The following ANKS1B variants were observed in gnomAD, a reference collection of about 807,000 sequenced individuals.
The protein encoded by ANKS1B is ankyrin repeat and sterile alpha motif domain containing 1B, also known as ankyrin repeat and sterile alpha motif domain-containing protein 1B.
Under a neutral mutation model 148.3 loss-of-function variants are expected in ANKS1B, and 36 were observed. The ratio of observed to expected loss-of-function variants is 0.24; its 90% confidence interval spans 0.19 to 0.32. ANKS1B has a LOEUF of 0.32. Among genes scored for constraint, ANKS1B ranks in the 10% least tolerant of loss-of-function variants. The pLI, the probability that ANKS1B is intolerant of heterozygous loss-of-function variation, is 1.00. For synonymous variants in ANKS1B, 542 were observed against 560.8 expected (o/e 0.97, Z 0.47); for missense variants, 1,157 against 1,542.6 (o/e 0.75, Z 4.19).
At chr12:99,957,682 C>T (rs1358692903) in intron 1 of ANKS1B, among the ~76,000 whole-genome samples, 4 of 152,190 alleles carry the variant, frequency 2.6e-5, no homozygotes, top group African/African-American at 9.7e-5. Context: ...AAAACTAGAA[C>T]ATGTATGGCA....
intron 1 of ANKS1B, among the ~76,000 whole-genome samples, chr12:99,847,334 TA>T (rs1324476084): frequency 1.3e-5 from 2 of 152,076 alleles, no homozygotes; most frequent in Non-Finnish European, 2.9e-5. Flanking sequence ...AGGCAGGCCA[TA>T]AAAAATAGAA....
intron 17 of ANKS1B, among the ~76,000 whole-genome samples, chr12:99,023,784 C>T (rs2099947188): frequency 6.7e-6 from 1 of 150,236 alleles, no homozygotes; most frequent in Non-Finnish European, 1.5e-5. Flanking sequence ...TGTGAATATG[C>T]ACACACATAC....
At chr12:99,141,691 G>C in intron 15 of ANKS1B, among the ~76,000 whole-genome samples, 1 of 151,498 alleles carries the variant, frequency 6.6e-6, no homozygotes, top group East Asian at 1.9e-4. Flanking sequence ...TTGGTTTTCT[G>C]TTCCTGTGTT....
intron 14 of ANKS1B, among the ~76,000 whole-genome samples, chr12:99,203,616 A>C (rs557215706): frequency 3.1e-4 from 47 of 151,786 alleles, no homozygotes; most frequent in Middle Eastern, 3.4e-3. Flanking sequence ...AAGCCCGACA[A>C]ATTTTTTTGT....
intron 8 of ANKS1B, among the ~76,000 whole-genome samples, chr12:99,700,063 T>C (rs1333088041): frequency 6.6e-6 from 1 of 152,228 alleles, no homozygotes; most frequent in African/African-American, 2.4e-5. Context: ...AATTTTTTAA[T>C]GTATTTGTGA....
chr12:98,940,610 T>C (rs568857378), intron 17 of ANKS1B, among the ~76,000 whole-genome samples: 1 of 152,296 alleles, frequency 6.6e-6, no homozygotes, highest in South Asian at 2.1e-4. Context: ...TCTGTGTCAG[T>C]GGATGATAAG....
At position 98,881,015 on chromosome 12, in the gene ANKS1B, T is replaced by G. The variant is rs892394696; in HGVS notation, c.2779-48879A>C. Among the ~76,000 whole-genome samples the G allele has an allele frequency of 7.9e-5, 12 of 152,256 alleles. 1 individual carries two copies. The East Asian group carries it at 2.1e-3, about 27-fold the overall frequency. ...TTGGAAAGTTTTTTTTAAAAAAAAT[T>G]TTTTAATGAATGATGATTTGAATAG... On this transcript the variant is annotated intron_variant, in intron 17 of 26. Transcript: ENST00000683438.
At chr12:99,238,500 C>G (rs1293202744) in intron 14 of ANKS1B, among the ~76,000 whole-genome samples, 1 of 152,216 alleles carries the variant, frequency 6.6e-6, no homozygotes, top group Non-Finnish European at 1.5e-5. Context: ...CAAAAGGCAG[C>G]AGACAGTTTC....
rs1268848322 is a variant in ANKS1B at position 99,246,267 on chromosome 12, A to G, written c.2346+8T>C. On this transcript the variant is annotated splice_region_variant and intron_variant, in intron 13 of 26. Transcript: ENST00000683438. The stretch of plus-strand genomic sequence containing the variant: ...TATAGGATGAACAGCAAGAAGAACA[A>G]AGCTTACTTCTTCCCATTCCGATGT... 1.3e-6 allele frequency: 2 copies of G among 1,546,440 alleles called. No individual in the cohort carries two copies. The highest frequency in any genetic ancestry group is 2.7e-5 in the African/African-American group (2 of 73,048).
chr12:99,454,634 T>C (rs1408250161), intron 10 of ANKS1B, among the ~76,000 whole-genome samples: 1 of 152,234 alleles, frequency 6.6e-6, no homozygotes, highest in Non-Finnish European at 1.5e-5. Flanking sequence ...GATGGTCTTT[T>C]AGCATAATAA....
At chr12:98,975,743 G>T (rs527429938) in intron 17 of ANKS1B, among the ~76,000 whole-genome samples, 2 of 152,276 alleles carry the variant, frequency 1.3e-5, no homozygotes, top group South Asian at 4.2e-4. Flanking sequence ...CATGCCTGGA[G>T]AACAAATATT....
intron 14 of ANKS1B, among the ~76,000 whole-genome samples, chr12:99,176,749 A>C (rs886604309): frequency 5.3e-5 from 8 of 151,988 alleles, no homozygotes; most frequent in African/African-American, 1.9e-4. Flanking sequence ...CCTCCTCCTA[A>C]TTATCTCTCT....
intron 1 of ANKS1B, among the ~76,000 whole-genome samples, chr12:99,936,665 G>A (rs1380041913): frequency 6.6e-6 from 1 of 151,994 alleles, no homozygotes; most frequent in East Asian, 1.9e-4. Flanking sequence ...CTGTACTCTT[G>A]GCTGCCTTGT....
intron 1 of ANKS1B, among the ~76,000 whole-genome samples, chr12:99,905,873 G>A (rs1301384069): frequency 6.6e-6 from 1 of 152,124 alleles, no homozygotes; most frequent in Non-Finnish European, 1.5e-5. Context: ...CACATTATAA[G>A]GTAGATGGGG....
chr12:99,144,878 C>A (rs2072434521), intron 15 of ANKS1B, among the ~76,000 whole-genome samples: 1 of 151,972 alleles, frequency 6.6e-6, no homozygotes, highest in Admixed American at 6.6e-5. Context: ...CTCAGAGGAA[C>A]CAACCCTGCT....
intron 12 of ANKS1B, among the ~76,000 whole-genome samples, chr12:99,272,203 C>T (rs1214792079): frequency 6.6e-6 from 1 of 151,994 alleles, no homozygotes; most frequent in Non-Finnish European, 1.5e-5. Context: ...TTTATAATGA[C>T]CATAAGTGAT....
chr12:99,074,688 T>C (rs1163943751), intron 16 of ANKS1B, among the ~76,000 whole-genome samples: 1 of 152,192 alleles, frequency 6.6e-6, no homozygotes, highest in Non-Finnish European at 1.5e-5. Context: ...CTGTCATGCT[T>C]ACATGAAGGA....
At chr12:99,074,600 G>A (rs1373314679) in intron 16 of ANKS1B, among the ~76,000 whole-genome samples, 3 of 152,148 alleles carry the variant, frequency 2.0e-5, no homozygotes, top group Admixed American at 6.5e-5. Context: ...ATGTGACCCC[G>A]TAGAACAGAC....
rs566880399 is a variant in ANKS1B at position 99,204,301 on chromosome 12, A to T, written c.2419+40041T>A. ...GCTGGCTAAATTTCTGAAGGAATGT[A>T]TTCATGCTCTGAAACACAAAACCGT... On this transcript the variant is annotated intron_variant, in intron 14 of 26. Transcript: ENST00000683438. 6.6e-5 allele frequency among the ~76,000 whole-genome samples: 10 copies of T among 152,382 alleles called. No homozygotes were observed. In the East Asian group the frequency reaches 1.7e-3, roughly 26 times the overall value.
Sources: allele counts gnomAD v4.1 joint callset (sites outside exome capture counted in the v4.1 genomes callset), GRCh38; gene constraint gnomAD v4.1.1; transcripts MANE v1.5; gene names NCBI Gene and HGNC (gene_info 2026-07-23, HGNC 2026-07-21).